The following IL1RAPL1 variants were observed in gnomAD, a reference collection of about 807,000 sequenced individuals.
The protein encoded by IL1RAPL1 is interleukin 1 receptor accessory protein like 1.
In IL1RAPL1, 3 loss-of-function variants were observed where a neutral mutation model predicts 48.4. That is an observed-to-expected ratio of 0.06 (90% CI 0.03 to 0.16). IL1RAPL1 has a LOEUF of 0.16. Among genes scored for constraint, IL1RAPL1 ranks in the 10% least tolerant of loss-of-function variants. The pLI, the probability that IL1RAPL1 is intolerant of heterozygous loss-of-function variation, is 1.00. For missense variants in IL1RAPL1, 349 were observed against 530.6 expected (o/e 0.66, Z 3.36); for synonymous variants, 185 against 187.7 (o/e 0.99, Z 0.12).
At chrX:29,922,622 G>A (rs1487882560) in intron 8 of IL1RAPL1, among the ~76,000 whole-genome samples, 2 of 111,645 alleles carry the variant, frequency 1.8e-5, no homozygotes, top group South Asian at 3.8e-4. Context: ...AAGGACTTTC[G>A]TTCACATATG....
intron 1 of IL1RAPL1, among the ~76,000 whole-genome samples, chrX:28,591,886 A>G (rs1933911080): frequency 8.9e-6 from 1 of 111,825 alleles, no homozygotes; most frequent in African/African-American, 3.2e-5. Flanking sequence ...TACAGAAAGG[A>G]GATAATATGT....
chrX:29,669,479 A>C (rs1926088697), intron 6 of IL1RAPL1, among the ~76,000 whole-genome samples: 1 of 111,576 alleles, frequency 9.0e-6, no homozygotes. Context: ...GAGAATTTGC[A>C]TCAAAATTGT....
intron 5 of IL1RAPL1, among the ~76,000 whole-genome samples, chrX:29,467,666 A>G (rs1382487179): frequency 1.8e-5 from 2 of 111,386 alleles, no homozygotes; most frequent in Admixed American, 1.9e-4. Flanking sequence ...TTGTATACAT[A>G]AAGAAGGTAA....
intron 2 of IL1RAPL1, among the ~76,000 whole-genome samples, chrX:28,821,627 A>T (rs890526333): frequency 2.7e-5 from 3 of 111,060 alleles, no homozygotes; most frequent in African/African-American, 3.3e-5. Flanking sequence ...TTTGCAAGTA[A>T]TATTACCAAA....
chrX:29,462,338 T>C, intron 5 of IL1RAPL1, among the ~76,000 whole-genome samples: 1 of 111,599 alleles, frequency 9.0e-6, no homozygotes, highest in South Asian at 3.8e-4. Context: ...TTATAAGTTA[T>C]AATTGCTCTG....
intron 2 of IL1RAPL1, among the ~76,000 whole-genome samples, chrX:29,204,505 A>G (rs1034182338): frequency 2.7e-5 from 3 of 110,974 alleles, no homozygotes; most frequent in Non-Finnish European, 5.7e-5. Flanking sequence ...CCTGTTGGCC[A>G]TTTGTATGTC....
chrX:29,797,257 A>T (rs1929764117), intron 6 of IL1RAPL1, among the ~76,000 whole-genome samples: 1 of 112,494 alleles, frequency 8.9e-6, no homozygotes, highest in Non-Finnish European at 1.9e-5. Context: ...TGTGTTTCAT[A>T]AGGAAATTAA....
chrX:28,695,795 G>A (rs1935223831), intron 1 of IL1RAPL1, among the ~76,000 whole-genome samples: 1 of 112,041 alleles, frequency 8.9e-6, no homozygotes, highest in Non-Finnish European at 1.9e-5. Flanking sequence ...GTTTACACAT[G>A]TAAGCTGGGC....
At chrX:28,815,596 C>T (rs958708630) in intron 2 of IL1RAPL1, among the ~76,000 whole-genome samples, 2 of 105,032 alleles carry the variant, frequency 1.9e-5, no homozygotes, top group African/African-American at 3.4e-5. Context: ...TAATCAACCT[C>T]GCTTCATCCC....
At chrX:29,333,632 C>T (rs1182263117) in intron 3 of IL1RAPL1, among the ~76,000 whole-genome samples, 31 of 77,694 alleles carry the variant, frequency 4.0e-4, no homozygotes, top group African/African-American at 1.8e-3. Context: ...GGCAGAGGGG[C>T]TCCTCACTTC....
At chrX:29,635,689 A>G (rs747844760) in intron 5 of IL1RAPL1, among the ~76,000 whole-genome samples, 1 of 111,117 alleles carries the variant, frequency 9.0e-6, no homozygotes, top group South Asian at 3.7e-4. Flanking sequence ...TGTGTGGATT[A>G]TAAGCAACAG....
At chrX:29,448,261 T>C (rs1037059804) in intron 5 of IL1RAPL1, among the ~76,000 whole-genome samples, 3 of 111,829 alleles carry the variant, frequency 2.7e-5, no homozygotes, top group South Asian at 7.5e-4. Flanking sequence ...TGAGATTCTC[T>C]GCTATTTAAA....
chrX:29,082,435 AGTT>A (rs1405997793), intron 2 of IL1RAPL1, among the ~76,000 whole-genome samples: 1 of 112,550 alleles, frequency 8.9e-6, no homozygotes, highest in African/African-American at 3.2e-5. Flanking sequence ...ATGAAGCTGC[AGTT>A]GTTTTTTGGT....
intron 5 of IL1RAPL1, among the ~76,000 whole-genome samples, chrX:29,497,183 A>G (rs1179107128): frequency 8.9e-6 from 1 of 112,057 alleles, no homozygotes; most frequent in Non-Finnish European, 1.9e-5. Flanking sequence ...TGATTTATTT[A>G]TAGCTGATTT....
In IL1RAPL1 at chrX:29,630,742, G is replaced by A. The variant is rs777590677; in HGVS notation, c.704-37688G>A. ...TTTAGTAGAGACAGGGTTTCACCCTGTTAGCCAGGATGGCCTCGATCTCCT... is the reference window on the plus strand; with the variant it reads ...TTTAGTAGAGACAGGGTTTCACCCTATTAGCCAGGATGGCCTCGATCTCCT... On this transcript the variant is annotated intron_variant, in intron 5 of 10. Coordinates refer to ENST00000378993, the MANE Select transcript of IL1RAPL1 (RefSeq NM_014271.4). 9.0e-5 allele frequency among the ~76,000 whole-genome samples: 10 copies of A among 111,529 alleles called. No homozygotes were observed. In the South Asian group the frequency reaches 3.4e-3, roughly 38 times the overall value.
chrX:28,841,426 ATAAAGT>A (rs1317009742), intron 2 of IL1RAPL1, among the ~76,000 whole-genome samples: 1 of 111,562 alleles, frequency 9.0e-6, no homozygotes, highest in African/African-American at 3.2e-5. Flanking sequence ...TAGTGCACAA[ATAAAGT>A]TAGTAGAAGA....
intron 2 of IL1RAPL1, among the ~76,000 whole-genome samples, chrX:29,161,870 G>A (rs1484598730): frequency 8.9e-6 from 1 of 111,902 alleles, no homozygotes; most frequent in Non-Finnish European, 1.9e-5. Context: ...TATACCCAAA[G>A]GATTATAAAT....
intron 2 of IL1RAPL1, among the ~76,000 whole-genome samples, chrX:29,122,409 T>TCTCTCACACACACACA (rs60632925): frequency 4.6e-5 from 3 of 64,590 alleles, no homozygotes; most frequent in African/African-American, 2.3e-4. Context: ...TCTCTCTCTC[T>TCTCTCACACACACACA]CACACACACA....
chrX:28,906,769 C>T (rs1569197502), intron 2 of IL1RAPL1, among the ~76,000 whole-genome samples: 2 of 110,977 alleles, frequency 1.8e-5, no homozygotes, highest in African/African-American at 6.5e-5. Context: ...TCTTGAGTAT[C>T]TATTATGTAT....
Sources: gnomAD v4.1 joint callset for allele counts (sites outside exome capture counted in the v4.1 genomes callset) on GRCh38, gnomAD v4.1.1 for gene constraint, MANE v1.5 for transcripts, NCBI Gene and HGNC (gene_info 2026-07-23, HGNC 2026-07-21) for gene names.